Variants in MYZAP observed in about 807,000 individuals in gnomAD.
The protein encoded by MYZAP is myocardial zonula adherens protein.
A neutral mutation model predicts 69.4 loss-of-function variants in MYZAP; 66 were observed. That is an observed-to-expected ratio of 0.95 (90% CI 0.78 to 1.17). The LOEUF is 1.17. MYZAP is among the 50% of genes most tolerant of loss of function. MYZAP has a pLI of 0.00. For missense variants in MYZAP, 611 were observed against 556.2 expected, an observed-to-expected ratio of 1.10 and a Z score of -0.99; for synonymous variants, 256 against 205.9, an observed-to-expected ratio of 1.24 and a Z score of -2.09.
intron 11 of MYZAP, among the ~76,000 whole-genome samples, chr15:57,673,918 C>A (rs2733606): frequency 0.94 from 142,492 of 152,284 alleles, 67,181 homozygotes; most frequent in Non-Finnish European, 0.99. Flanking sequence ...TGCAAATAAA[C>A]TGCTCATTGT....
At chr15:57,640,891 G>A (rs1455178616) in intron 10 of MYZAP, among the ~76,000 whole-genome samples, 1 of 152,234 alleles carries the variant, frequency 6.6e-6, no homozygotes, top group Non-Finnish European at 1.5e-5. Context: ...GCCCATAACA[G>A]TAATGCGGAG....
intron 8 of MYZAP, 146 bp downstream of exon 8, chr15:57,633,887 A>T: frequency 9.9e-7 from 1 of 1,012,442 alleles, no homozygotes; most frequent in South Asian, 4.7e-5. Context: ...AAAATAAAGT[A>T]TAAGGAAGTC....
At chr15:57,670,811 A>G (rs1386440967) in intron 11 of MYZAP, among the ~76,000 whole-genome samples, 2 of 152,148 alleles carry the variant, frequency 1.3e-5, no homozygotes, top group East Asian at 3.8e-4. Context: ...AGTATACATC[A>G]TTAGCTGTTC....
At chr15:57,671,537 T>C (rs958866120) in intron 11 of MYZAP, among the ~76,000 whole-genome samples, 1 of 152,160 alleles carries the variant, frequency 6.6e-6, no homozygotes, top group Non-Finnish European at 1.5e-5. Context: ...GCTTTTCAAA[T>C]TGCTTCACAG....
Position 57,684,667 on chromosome 15 carries a change from G to C in MYZAP, c.*169G>C. 1.7e-6 allele frequency: 1 copy of C among 583,400 alleles called. No homozygotes were observed. The highest frequency in any genetic ancestry group is 3.0e-6 in the Non-Finnish European group (1 of 331,036). The allele number at this position is 583,400 out of a possible 1,614,324, so 36.1% of individuals were successfully genotyped here. On this transcript the variant is annotated 3_prime_UTR_variant, in exon 13 of 13. Coordinates refer to ENST00000267853, the MANE Select transcript of MYZAP (RefSeq NM_001018100.5). ...AGACAGGAAGGAAAGTGAAGGCAGA[G>C]TGAGCAGGTAAGAGAGGGATATACA...
chr15:57,608,454 G>C (rs2034897673), intron 2 of MYZAP, among the ~76,000 whole-genome samples: 1 of 152,200 alleles, frequency 6.6e-6, no homozygotes, highest in Non-Finnish European at 1.5e-5. Flanking sequence ...TCAAGGGTTT[G>C]TGGGGTGTAT....
chr15:57,629,532 A>G (rs560077209), intron 5 of MYZAP, among the ~76,000 whole-genome samples, 170 bp from the exon 6 acceptor site: 1 of 152,286 alleles, frequency 6.6e-6, no homozygotes, highest in East Asian at 1.9e-4. Flanking sequence ...CCTCTTGGCC[A>G]CCATGGGAGA....
chr15:57,648,705 T>C (rs1477786978), intron 10 of MYZAP, among the ~76,000 whole-genome samples: 1 of 151,968 alleles, frequency 6.6e-6, no homozygotes, highest in African/African-American at 2.4e-5. Context: ...TTGCAAAAAG[T>C]TGTAGAGTGA....
At chr15:57,655,775 A>G (rs1222552997) in intron 10 of MYZAP, among the ~76,000 whole-genome samples, 1 of 152,246 alleles carries the variant, frequency 6.6e-6, no homozygotes, top group African/African-American at 2.4e-5. Context: ...TCATCAAAAG[A>G]AAAATTAGAA....
chr15:57,646,243 A>G lies in MYZAP; in HGVS notation c.1119+6698A>G, dbSNP rs77734106. The G allele has an allele frequency of 3.5e-3, 4,479 of 1,289,096 alleles. 66 individuals carry two copies. The African/African-American group carries it at 0.037, about 11-fold the overall frequency. The allele number at this position is 1,289,096 out of a possible 1,614,324, so 79.9% of individuals were successfully genotyped here. A position where few individuals can be genotyped will look rare whatever the true frequency, so the allele number is the denominator to read the frequency against. On this transcript the variant is annotated intron_variant, in intron 10 of 12. Coordinates refer to ENST00000267853, the MANE Select transcript of MYZAP (RefSeq NM_001018100.5). ...AGCGATTCCTTTATTGTTCGTGATT[A>G]GAAGAACACTTGTACACTCTCTGCT...
intron 6 of MYZAP, among the ~76,000 whole-genome samples, 200 bp downstream of exon 6, chr15:57,630,054 C>G (rs551739000): frequency 6.7e-6 from 1 of 149,012 alleles, no homozygotes; most frequent in Admixed American, 6.7e-5. Flanking sequence ...CTGCAACCTC[C>G]GCCTCCTGGG....
intron 11 of MYZAP, among the ~76,000 whole-genome samples, chr15:57,673,484 G>A (rs950200241): frequency 3.4e-5 from 5 of 149,226 alleles, no homozygotes; most frequent in Non-Finnish European, 7.5e-5. Context: ...GTGTGTGTGT[G>A]TGTGTGTGTG....
intron 2 of MYZAP, among the ~76,000 whole-genome samples, chr15:57,617,724 C>T (rs2035558483): frequency 6.6e-6 from 1 of 152,188 alleles, no homozygotes; most frequent in African/African-American, 2.4e-5. Context: ...GTTTCAAATG[C>T]TTGCTCTTCT....
chr15:57,616,822 CTTTTT>C (rs763856721), intron 2 of MYZAP, among the ~76,000 whole-genome samples: 25 of 50,060 alleles, frequency 5.0e-4, no homozygotes, highest in East Asian at 3.9e-3. Context: ...AAAAAAAGTG[CTTTTT>C]TTTTTTTTTT....
At chr15:57,677,069 G>A (rs1540397) in intron 12 of MYZAP, among the ~76,000 whole-genome samples, 6 of 152,160 alleles carry the variant, frequency 3.9e-5, no homozygotes, top group African/African-American at 1.4e-4. Context: ...AGGCGCCAGG[G>A]AAGTCTGGGT....
chr15:57,596,173 G>A (rs1196670117), intron 1 of MYZAP, among the ~76,000 whole-genome samples: 6 of 152,172 alleles, frequency 3.9e-5, no homozygotes, highest in African/African-American at 1.2e-4. Context: ...CAAAGGATAT[G>A]GAATGTGATT....
intron 1 of MYZAP, among the ~76,000 whole-genome samples, chr15:57,593,213 CA>C (rs1175666537): frequency 6.6e-6 from 1 of 150,926 alleles, no homozygotes; most frequent in African/African-American, 2.5e-5. Flanking sequence ...CACACACACA[CA>C]CCCCAGAATC....
At chr15:57,651,403 G>A (rs2037720137) in intron 10 of MYZAP, among the ~76,000 whole-genome samples, 1 of 152,006 alleles carries the variant, frequency 6.6e-6, no homozygotes, top group South Asian at 2.1e-4. Flanking sequence ...AATCATAGAG[G>A]GAAAAAAAGG....
chr15:57,625,458 C>T (rs142522480), intron 4 of MYZAP, among the ~76,000 whole-genome samples: 2,253 of 152,266 alleles, frequency 0.015, 30 homozygotes, highest in South Asian at 0.045. Context: ...GTTCTAGGAG[C>T]GCCACTTCTG....
Sources: gnomAD v4.1 joint callset for allele counts (sites outside exome capture counted in the v4.1 genomes callset) on GRCh38, gnomAD v4.1.1 for gene constraint, MANE v1.5 for transcripts, NCBI Gene and HGNC (gene_info 2026-07-23, HGNC 2026-07-21) for gene names.